Variants in BZW2 observed in about 807,000 individuals in gnomAD.
BZW2 encodes the protein eIF5-mimic protein 1.
A neutral mutation model predicts 53.2 loss-of-function variants in BZW2; 23 were observed. That is an observed-to-expected ratio of 0.43 (90% CI 0.31 to 0.61). The LOEUF (loss-of-function observed/expected upper bound fraction) is 0.61. Ranked by LOEUF, BZW2 falls within the 20% of genes least tolerant of loss-of-function variation. The pLI is 0.09. For synonymous variants in BZW2, 227 were observed against 186.4 expected (o/e 1.22, Z -1.77); for missense variants, 409 against 503.1 (o/e 0.81, Z 1.79).
chr7:16,659,797 G>A (rs1002494827), intron 1 of BZW2, among the ~76,000 whole-genome samples: 5 of 151,522 alleles, frequency 3.3e-5, no homozygotes, highest in Admixed American at 6.6e-5. Context: ...TTTATGAAAC[G>A]TTTTATACTT....
At chr7:16,658,943 T>C (rs12535048) in intron 1 of BZW2, among the ~76,000 whole-genome samples, 65 of 148,360 alleles carry the variant, frequency 4.4e-4, no homozygotes, top group Admixed American at 9.5e-4. Flanking sequence ...ATTCTTATCC[T>C]GAATAATATA....
chr7:16,648,025 T>C (rs1448928996), intron 1 of BZW2, among the ~76,000 whole-genome samples: 2 of 152,206 alleles, frequency 1.3e-5, no homozygotes, highest in Admixed American at 1.3e-4. Context: ...CCAGTGAATT[T>C]AGAGACAATA....
intron 6 of BZW2, among the ~76,000 whole-genome samples, chr7:16,689,522 G>C (rs993009482): frequency 6.6e-6 from 1 of 152,172 alleles, no homozygotes. Flanking sequence ...ATATGTTTTT[G>C]ACCAAGGTAA....
At position 16,658,053 on chromosome 7, in the gene BZW2, A is replaced by G. The variant is rs537681273; in HGVS notation, c.-7-7384A>G. Reference sequence around the variant, plus strand: ...GAGTGTTGAAAGACCTAAGAATGACATCAGTAAAATTAGACCATCTGGAAG... The same window carrying G: ...GAGTGTTGAAAGACCTAAGAATGACGTCAGTAAAATTAGACCATCTGGAAG... On this transcript the variant is annotated intron_variant, in intron 1 of 11. Coordinates refer to ENST00000258761, the MANE Select transcript of BZW2 (RefSeq NM_014038.3). Among the ~76,000 whole-genome samples the G allele has an allele frequency of 2.8e-4, 42 of 152,336 alleles. No individual in the cohort carries two copies. The South Asian group carries it at 7.5e-3, about 27-fold the overall frequency.
In BZW2 at chr7:16,704,629, G is replaced by A; in HGVS notation, c.1191G>A (p.Gln397=). The A allele has an allele frequency of 1.3e-6, 2 of 1,592,366 alleles. No homozygotes were observed. The highest frequency in any genetic ancestry group is 1.7e-4 in the Middle Eastern group (1 of 5,954). The change falls in exon 11 of 12, where the codon CAG becomes CAA. Residue 397 remains glutamine (Q), a synonymous_variant. Coordinates refer to ENST00000258761, the MANE Select transcript of BZW2 (RefSeq NM_014038.3). Reference sequence around the variant, plus strand: ...AAGGCAAAAGTGTTTTTCTTGACCAGATGAAGAAATTTGTTGAGTGGTTAC... The same window carrying A: ...AAGGCAAAAGTGTTTTTCTTGACCAAATGAAGAAATTTGTTGAGTGGTTAC... The part of the protein sequence containing the change: ...VAKGKSVFLD[Q]MKKFVEWLQN...
intron 2 of BZW2, among the ~76,000 whole-genome samples, chr7:16,673,824 C>T (rs1782682596): frequency 1.3e-5 from 2 of 152,100 alleles, no homozygotes; most frequent in Admixed American, 6.5e-5. Flanking sequence ...GCACATCTGT[C>T]CTGAAGCTGT....
chr7:16,697,883 G>T (rs962004378), intron 9 of BZW2, 165 bp from the exon 10 acceptor site: 6 of 765,506 alleles, frequency 7.8e-6, no homozygotes, highest in Non-Finnish European at 1.2e-5. Flanking sequence ...TGTTCCTACT[G>T]TTCTGTTCCC....
intron 9 of BZW2, 48 bp downstream of exon 9, chr7:16,697,109 CTTT>C (rs776130838): frequency 6.3e-7 from 1 of 1,580,994 alleles, no homozygotes; most frequent in South Asian, 1.1e-5. Context: ...CAAACTGCAG[CTTT>C]TTTTGTTTGT....
intron 1 of BZW2, among the ~76,000 whole-genome samples, chr7:16,664,132 A>C (rs1320760382): frequency 1.3e-5 from 2 of 152,050 alleles, no homozygotes; most frequent in African/African-American, 4.8e-5. Context: ...TTTCCATAAC[A>C]GTCCAGCAAC....
rs61590306 is a variant in BZW2 at position 16,654,083 on chromosome 7, CAAAAAAAAAAAA to C, written c.-8+7812_-8+7823del. Among the ~76,000 whole-genome samples, 32 of 82,534 alleles carry C rather than the reference CAAAAAAAAAAAA, an allele frequency of 3.9e-4. No homozygotes were observed. The South Asian group carries it at 5.6e-3, about 15-fold the overall frequency. The allele number at this position is 82,534 out of a possible 152,430, so 54.1% of individuals were successfully genotyped here. A position where few individuals can be genotyped will look rare whatever the true frequency, so the allele number is the denominator to read the frequency against. On this transcript the variant is annotated intron_variant, in intron 1 of 11. Coordinates refer to ENST00000258761, the MANE Select transcript of BZW2 (RefSeq NM_014038.3). Reference sequence around the variant, plus strand: ...CCAACATGGCAAAACCCCATCTCTACAAAAAAAAAAAAAAAAAAAAAAAAAAAATACAAAAAT... The same window carrying C: ...CCAACATGGCAAAACCCCATCTCTACAAAAAAAAAAAAAAAATACAAAAAT...
intron 1 of BZW2, among the ~76,000 whole-genome samples, chr7:16,658,918 T>A (rs1288391813): frequency 6.6e-6 from 1 of 150,822 alleles, no homozygotes; most frequent in Non-Finnish European, 1.5e-5. Context: ...TTGCTGTCAT[T>A]TCCCTATTCC....
intron 1 of BZW2, among the ~76,000 whole-genome samples, chr7:16,657,239 A>G (rs963282219): frequency 7.9e-5 from 12 of 152,214 alleles, no homozygotes; most frequent in African/African-American, 2.7e-4. Context: ...TATAGGTAAG[A>G]AGAATAAGAG....
chr7:16,680,241 C>A (rs577872374), intron 3 of BZW2, among the ~76,000 whole-genome samples: 2 of 152,194 alleles, frequency 1.3e-5, no homozygotes, highest in East Asian at 3.9e-4. Flanking sequence ...AAAATACTTG[C>A]AAAATGTTAG....
rs117676133 is a variant in BZW2, at chr7:16,678,840, G to A, written c.236-2461G>A. ...GTCTCGGGGGGTGACATCACGTGTC[G>A]GCCTGAGCTGCAAAACCAGCAAGTT... is the stretch of plus-strand genomic sequence containing the variant. On this transcript the variant is annotated intron_variant, in intron 3 of 11. Coordinates refer to ENST00000258761, the MANE Select transcript of BZW2 (RefSeq NM_014038.3). Among the ~76,000 whole-genome samples the A allele has an allele frequency of 7.7e-3, 1,163 of 151,360 alleles. 13 individuals carry two copies. The highest frequency in any genetic ancestry group is 0.025 in the African/African-American group (1,023 of 41,248).
intron 7 of BZW2, among the ~76,000 whole-genome samples, chr7:16,691,912 G>A (rs75223257): frequency 0.017 from 2,624 of 152,202 alleles, 61 homozygotes; most frequent in African/African-American, 0.058. Flanking sequence ...GTACATATGT[G>A]TGTGTTTGTG....
chr7:16,666,103 TA>T lies in BZW2; in HGVS notation c.58+603del, dbSNP rs1420448198. 3.9e-5 allele frequency among the ~76,000 whole-genome samples: 6 copies of T among 152,114 alleles called. No individual in the cohort carries two copies. The South Asian group carries it at 8.3e-4, about 21-fold the overall frequency. ...CTTTTTGTGTAAATAATATTTTATA[TA>T]TTTTTTTAGAGACAGGGTCTTGCAC... On this transcript the variant is annotated intron_variant, in intron 2 of 11. Transcript: ENST00000258761.
chr7:16,706,374 C>G lies in BZW2; in HGVS notation c.*286C>G. ...GATCTGAAATTAAATACTCAACAGA[C>G]TCCTCCTTTTTTAGCTGTATTTTTC... On this transcript the variant is annotated 3_prime_UTR_variant, in exon 12 of 12. Transcript: ENST00000258761. 3.0e-6 allele frequency: 1 copy of G among 333,854 alleles called. No homozygotes were observed. The highest frequency in any genetic ancestry group is 5.4e-6 in the Non-Finnish European group (1 of 184,664). 20.7% of individuals were successfully genotyped at this position (333,854 alleles called of 1,614,324 possible).
intron 10 of BZW2, 44 bp from the exon 11 acceptor site, chr7:16,704,503 G>A (rs747871638): frequency 6.8e-7 from 1 of 1,468,002 alleles, no homozygotes; most frequent in South Asian, 1.5e-5. Context: ...TTTGAAACAT[G>A]ACATTTGTAT....
At chr7:16,685,876 C>A in intron 5 of BZW2, 29 bp from the exon 6 acceptor site, 1 of 1,293,584 alleles carries the variant, frequency 7.7e-7, no homozygotes, top group Non-Finnish European at 9.9e-7. Flanking sequence ...TTTTCTTTTT[C>A]TTTTTTTTTT....
Sources: allele counts gnomAD v4.1 joint callset (sites outside exome capture counted in the v4.1 genomes callset), GRCh38; gene constraint gnomAD v4.1.1; transcripts MANE v1.5; gene names NCBI Gene and HGNC (gene_info 2026-07-23, HGNC 2026-07-21).